The following PCDHGC5 variants were observed in gnomAD, a reference collection of about 807,000 sequenced individuals.
The protein encoded by PCDHGC5 is protocadherin gamma subfamily C, 5.
Under a neutral mutation model 59.0 loss-of-function variants are expected in PCDHGC5, and 25 were observed. That is an observed-to-expected ratio of 0.42 (90% CI 0.31 to 0.59). PCDHGC5 has a LOEUF of 0.59. Among genes scored for constraint, PCDHGC5 ranks in the 20% least tolerant of loss-of-function variants. The probability of loss-of-function intolerance (pLI) is 0.13; values close to 1 mark genes in which losing one functional copy is unlikely to be tolerated. For missense variants in PCDHGC5, 1,067 were observed against 1,206.4 expected (o/e 0.88, Z 1.71); for synonymous variants, 434 against 505.5 (o/e 0.86, Z 1.90).
At chr5:141,496,588 C>T (rs775641672) in intron 2 of PCDHGC5, among the ~76,000 whole-genome samples, 9 of 152,280 alleles carry the variant, frequency 5.9e-5, no homozygotes, top group Non-Finnish European at 1.0e-4. Context: ...GAACGCAAAG[C>T]GCTTCTTAGA....
rs2099883782 is a variant in PCDHGC5 at position 141,511,420 on chromosome 5, G to C, written c.*247G>C. The C allele has an allele frequency of 1.2e-6, 1 of 830,744 alleles. No homozygotes were observed. The allele number at this position is 830,744 out of a possible 1,614,324, so 51.5% of individuals were successfully genotyped here. On this transcript the variant is annotated 3_prime_UTR_variant, in exon 4 of 4. Transcript: ENST00000252087. ...TCCAATCAACTGCTGTACCCATGGG[G>C]GTAGTGGGGTTACTGTAGACACCAA...
Position 141,490,055 on chromosome 5 carries a change from G to A in PCDHGC5, c.815G>A (p.Gly272Asp), listed in dbSNP as rs746297447. The A allele has an allele frequency of 1.9e-6, 3 of 1,614,068 alleles. No individual in the cohort carries two copies. The Admixed American group carries it at 5.0e-5, about 27-fold the overall frequency. The change falls in exon 1 of 4, where the codon GGC (glycine) becomes GAC (aspartate). Residue 272 changes from glycine to aspartate, a missense_variant. Transcript: ENST00000252087. This position sits in a 1 kb window ranked among gnomAD's most constrained non-coding sequence, Gnocchi z 5.4. ...LRLNATDPDE[G>D]TNGQLDYSFG... is the part of the protein sequence containing the mutation. ...CTCAATGCCACTGATCCAGACGAGG[G>A]CACCAACGGCCAACTAGACTATTCT...
chr5:141,492,425 C>T (rs1243599547), intron 1 of PCDHGC5, among the ~76,000 whole-genome samples: 1 of 152,254 alleles, frequency 6.6e-6, no homozygotes, highest in Non-Finnish European at 1.5e-5. Flanking sequence ...CTCCGCCGGG[C>T]TCAGGAGTAC....
chr5:141,494,844 C>T lies in PCDHGC5; in HGVS notation c.2498C>T (p.Ala833Val). The change falls in exon 2 of 4, where the codon GCC becomes GTC. Residue 833 changes from alanine to valine, a missense_variant. Ala to Val is a moderately conservative substitution (Grantham distance 64). Coordinates refer to ENST00000252087, the MANE Select transcript of PCDHGC5 (RefSeq NM_018929.3). ...PPNTDWRFSQ[A>V]QRPGTSGSQN... The stretch of plus-strand genomic sequence containing the variant: ...AACACGGACTGGCGTTTCTCTCAGG[C>T]CCAGAGACCCGGCACCAGCGGGTAG... The T allele has an allele frequency of 6.2e-7, 1 of 1,614,190 alleles. No homozygotes were observed. The highest frequency in any genetic ancestry group is 8.5e-7 in the Non-Finnish European group (1 of 1,180,028).
rs1457765340 is a variant in PCDHGC5 at position 141,491,122 on chromosome 5, G to GT, written c.1883dup (p.Arg629AlafsTer10). 1 of 1,614,058 alleles carries GT rather than the reference G, an allele frequency of 6.2e-7. No homozygotes were observed. Among genetic ancestry groups the GT allele is most frequent in the Non-Finnish European group, 8.5e-7 (1 of 1,180,036 alleles). Reference sequence around the variant, plus strand: ...CCTCGTGTCTACACACACTGGTGAGGTGCGCACAGCCCGGGCCTTACTGGA... The same window carrying GT: ...CCTCGTGTCTACACACACTGGTGAGGTTGCGCACAGCCCGGGCCTTACTGGA... On this transcript the variant is annotated frameshift_variant, in exon 1 of 4. Coordinates refer to ENST00000252087, the MANE Select transcript of PCDHGC5 (RefSeq NM_018929.3). LOFTEE classifies it high-confidence loss of function. The surrounding 1 kb of genome is among the most constrained non-coding windows in gnomAD (Gnocchi z 6.9).
At position 141,489,559 on chromosome 5, in the gene PCDHGC5, C is replaced by A; in HGVS notation, c.319C>A (p.Gln107Lys). ...GASTSCLLPV[Q>K]VVTEHPLELI... ...CAGCACCAGCTGCCTGCTGCCAGTG[C>A]AGGTGGTGACTGAACACCCCCTGGA... Residue 107 changes from glutamine (Q) to lysine (K), a missense_variant, in exon 1 of 4, where the codon CAG (glutamine) becomes AAG (lysine). Physicochemically the swap from Gln to Lys is moderately conservative, Grantham distance 53. Coordinates refer to ENST00000252087, the MANE Select transcript of PCDHGC5 (RefSeq NM_018929.3). This position sits in a 1 kb window ranked among gnomAD's most constrained non-coding sequence, Gnocchi z 4.5. The A allele has an allele frequency of 6.2e-7, 1 of 1,614,078 alleles. No homozygotes were observed. The highest frequency in any genetic ancestry group is 8.5e-7 in the Non-Finnish European group (1 of 1,180,014).
At chr5:141,509,081 A>G (rs1279221589) in intron 3 of PCDHGC5, among the ~76,000 whole-genome samples, 1 of 152,160 alleles carries the variant, frequency 6.6e-6, no homozygotes, top group African/African-American at 2.4e-5. Flanking sequence ...GATTTGCGAC[A>G]TGAAATGGGG....
chr5:141,508,737 C>T (rs919094477), intron 3 of PCDHGC5, among the ~76,000 whole-genome samples: 1 of 152,010 alleles, frequency 6.6e-6, no homozygotes, highest in Non-Finnish European at 1.5e-5. Flanking sequence ...CTACACCCCC[C>T]ACCCCGCTCT....
At position 141,502,349 on chromosome 5, in the gene PCDHGC5, T is replaced by C. The variant is rs369766657; in HGVS notation, c.2520-3044T>C. 1.3e-3 allele frequency among the ~76,000 whole-genome samples: 200 copies of C among 152,292 alleles called. 3 individuals carry two copies. In the South Asian group the frequency reaches 0.034, roughly 26 times the overall value. On this transcript the variant is annotated intron_variant, in intron 2 of 3. Transcript: ENST00000252087. ...GCTCCCAGTCTTTTTATTTTTTTAA[T>C]GACATGGATATTTTTAAAGAGTCCA...
At chr5:141,492,240 C>T (rs1031016944) in intron 1 of PCDHGC5, among the ~76,000 whole-genome samples, 1 of 152,242 alleles carries the variant, frequency 6.6e-6, no homozygotes, top group African/African-American at 2.4e-5. Flanking sequence ...CTGCTGGCCA[C>T]CCCCACGGCC....
intron 3 of PCDHGC5, among the ~76,000 whole-genome samples, chr5:141,509,044 C>G (rs1385744160): frequency 1.3e-5 from 2 of 152,130 alleles, no homozygotes. Flanking sequence ...CCCTCTCCCC[C>G]GCCCCCAGAA....
Position 141,491,244 on chromosome 5 carries a change from T to A in PCDHGC5, c.2004T>A (p.Asp668Glu). 1 of 1,614,210 alleles carries A rather than the reference T, an allele frequency of 6.2e-7. No individual in the cohort carries two copies. Among genetic ancestry groups the A allele is most frequent in the Non-Finnish European group, 8.5e-7 (1 of 1,180,024 alleles). The change falls in exon 1 of 4, where the codon GAT (aspartate) becomes GAA (glutamate). Residue 668 changes from aspartate (D) to glutamate (E), a missense_variant. Asp to Glu is a conservative substitution (Grantham distance 45). Coordinates refer to ENST00000252087, the MANE Select transcript of PCDHGC5 (RefSeq NM_018929.3). This position sits in a 1 kb window ranked among gnomAD's most constrained non-coding sequence, Gnocchi z 6.9. ...CCACAGTGCTGCTGGTTCTGGAGGA[T>A]GAGGACCCTGAGGAAATGCCCAAAT... The part of the protein sequence containing the change: ...STATVLLVLE[D>E]EDPEEMPKSS...
chr5:141,489,999 G>C lies in PCDHGC5; in HGVS notation c.759G>C (p.Glu253Asp), dbSNP rs772783990. Reference sequence around the variant, plus strand: ...CAGTTCTACGTGTGGGAATCCCAGAGAATGCACCCATTGGTACTCTGCTGC... The same window carrying C: ...CAGTTCTACGTGTGGGAATCCCAGACAATGCACCCATTGGTACTCTGCTGC... ...QSSVLRVGIP[E>D]NAPIGTLLLR... is the part of the protein sequence containing the mutation. Residue 253 changes from glutamate to aspartate, a missense_variant, in exon 1 of 4, where the codon GAG becomes GAC. Coordinates refer to ENST00000252087, the MANE Select transcript of PCDHGC5 (RefSeq NM_018929.3). This position sits in a 1 kb window ranked among gnomAD's most constrained non-coding sequence, Gnocchi z 4.5. 6.2e-7 allele frequency: 1 copy of C among 1,614,242 alleles called. No individual in the cohort carries two copies. Among genetic ancestry groups the C allele is most frequent in the East Asian group, 2.2e-5 (1 of 44,886 alleles).
intron 2 of PCDHGC5, among the ~76,000 whole-genome samples, chr5:141,497,603 G>A (rs1045138662): frequency 3.3e-5 from 5 of 149,832 alleles, no homozygotes; most frequent in Non-Finnish European, 7.4e-5. Context: ...GCAGTGGTGC[G>A]ATCTTGGCTC....
chr5:141,500,294 C>T (rs755761935), intron 2 of PCDHGC5, among the ~76,000 whole-genome samples: 3 of 151,732 alleles, frequency 2.0e-5, no homozygotes, highest in Non-Finnish European at 2.9e-5. Flanking sequence ...CTGCAAGCTC[C>T]GCCTCCCAGG....
In PCDHGC5 at chr5:141,490,442, A is replaced by T. The variant is rs757900187; in HGVS notation, c.1202A>T (p.Glu401Val). The change falls in exon 1 of 4, where the codon GAG becomes GTG. Residue 401 changes from glutamate (E) to valine (V), a missense_variant. Transcript: ENST00000252087. The surrounding 1 kb of genome is among the most constrained non-coding windows in gnomAD (Gnocchi z 5.4). ...CTGCCATTTCAGATTAAGCCTTCTG[A>T]GAACCACTACTCGCTGCTAACCAGC... ...PDLPFQIKPS[E>V]NHYSLLTSQP... is the part of the protein sequence containing the mutation. 16 of 1,614,092 alleles carry T rather than the reference A, an allele frequency of 9.9e-6. No individual in the cohort carries two copies. Among genetic ancestry groups the T allele is most frequent in the Non-Finnish European group, 1.2e-5 (14 of 1,180,044 alleles).
At chr5:141,507,132 C>T (rs748716107) in intron 3 of PCDHGC5, 2 of 152,188 alleles carry the variant, frequency 1.3e-5, no homozygotes, top group African/African-American at 2.4e-5. Flanking sequence ...GATCCAGCCT[C>T]GGCTTCTCTA....
chr5:141,510,553 A>C (rs1471878583), intron 3 of PCDHGC5, among the ~76,000 whole-genome samples: 1 of 152,162 alleles, frequency 6.6e-6, no homozygotes, highest in African/African-American at 2.4e-5. Context: ...TGTTTTGAGC[A>C]CTTACATCTA....
In PCDHGC5 at chr5:141,491,250, C is replaced by T. The variant is rs1328621598; in HGVS notation, c.2010C>T (p.Asp670=). The T allele has an allele frequency of 6.2e-7, 1 of 1,614,148 alleles. No individual in the cohort carries two copies. Among genetic ancestry groups the T allele is most frequent in the South Asian group, 1.1e-5 (1 of 91,092 alleles). ...ATVLLVLEDE[D]PEEMPKSSDF... ...TGCTGCTGGTTCTGGAGGATGAGGA[C>T]CCTGAGGAAATGCCCAAATCCAGTG... Residue 670 remains aspartate, a synonymous_variant, in exon 1 of 4, where the codon GAC becomes GAT. Transcript: ENST00000252087. The surrounding 1 kb of genome is among the most constrained non-coding windows in gnomAD (Gnocchi z 6.9).
Sources: gnomAD v4.1 joint callset for allele counts (sites outside exome capture counted in the v4.1 genomes callset) on GRCh38, gnomAD v4.1.1 for gene constraint, Gnocchi (gnomAD v3.1) non-coding constraint, MANE v1.5 for transcripts, NCBI Gene and HGNC (gene_info 2026-07-23, HGNC 2026-07-21) for gene names.